PCDHA3: variants seen among roughly 807,000 people sequenced by gnomAD.
The protein encoded by PCDHA3 is protocadherin alpha 3.
In PCDHA3, 41 loss-of-function variants were observed where a neutral mutation model predicts 62.2. That is an observed-to-expected ratio of 0.66 (90% CI 0.51 to 0.86). PCDHA3 has a LOEUF of 0.86. Among genes scored for constraint, PCDHA3 ranks in the 40% least tolerant of loss-of-function variants. The pLI, the probability that PCDHA3 is intolerant of heterozygous loss-of-function variation, is 0.00. For synonymous variants in PCDHA3, 640 were observed against 555.4 expected, an observed-to-expected ratio of 1.15 and a Z score of -2.14; for missense variants, 1,304 against 1,241.2, an observed-to-expected ratio of 1.05 and a Z score of -0.76.
intron 3 of PCDHA3, among the ~76,000 whole-genome samples, chr5:140,999,635 A>C (rs2097866612): frequency 6.6e-6 from 1 of 152,192 alleles, no homozygotes; most frequent in Non-Finnish European, 1.5e-5. Flanking sequence ...AAGGTAGAGA[A>C]AACTGTGCAG....
chr5:140,835,557 C>T, intron 1 of PCDHA3: 2 of 1,613,936 alleles, frequency 1.2e-6, no homozygotes, highest in Admixed American at 1.7e-5. Context: ...CCTGACGCCC[C>T]GCGTTCCCTT....
intron 1 of PCDHA3, among the ~76,000 whole-genome samples, chr5:140,922,023 T>TA (rs530025575): frequency 3.9e-5 from 6 of 151,968 alleles, no homozygotes; most frequent in African/African-American, 1.4e-4. Flanking sequence ...AAAATAAATA[T>TA]AAAAAATGTA....
chr5:140,967,029 G>A, intron 1 of PCDHA3: 1 of 1,609,056 alleles, frequency 6.2e-7, no homozygotes, highest in Non-Finnish European at 8.5e-7. Flanking sequence ...CCCAGTCCGC[G>A]CTACCTGGAG....
intron 3 of PCDHA3, among the ~76,000 whole-genome samples, chr5:141,005,816 G>A (rs1295998009): frequency 1.3e-5 from 2 of 151,804 alleles, no homozygotes; most frequent in African/African-American, 4.8e-5. Context: ...AGCCAGGTAT[G>A]GTGGCCTGTA....
chr5:140,829,774 C>A (rs1293917446), intron 1 of PCDHA3: 3 of 1,613,670 alleles, frequency 1.9e-6, no homozygotes, highest in Non-Finnish European at 2.5e-6. Flanking sequence ...AGAACGACAA[C>A]GCGCCGGCGC....
chr5:140,956,497 A>G (rs2095288493), intron 1 of PCDHA3, among the ~76,000 whole-genome samples: 2 of 152,190 alleles, frequency 1.3e-5, no homozygotes, highest in Admixed American at 1.3e-4. Flanking sequence ...CCAGGGATGA[A>G]GCCTACTTGA....
At chr5:140,838,285 T>TTA (rs1554136986) in intron 1 of PCDHA3, among the ~76,000 whole-genome samples, 1 of 149,460 alleles carries the variant, frequency 6.7e-6, no homozygotes, top group East Asian at 2.0e-4. Flanking sequence ...TGCTAATTTT[T>TTA]TTTTTTTTTT....
chr5:140,877,095 C>G, intron 1 of PCDHA3: 1 of 1,613,330 alleles, frequency 6.2e-7, no homozygotes, highest in Admixed American at 1.7e-5. Flanking sequence ...GCGACGCCGG[C>G]GTGCCGCCTC....
At chr5:140,981,479 C>T (rs1275257398) in intron 2 of PCDHA3, among the ~76,000 whole-genome samples, 20 of 152,148 alleles carry the variant, frequency 1.3e-4, no homozygotes, top group African/African-American at 4.8e-4. Flanking sequence ...GAGGCTGAGG[C>T]AGGAGAATTG....
At chr5:140,991,420 A>G (rs1413227137) in intron 3 of PCDHA3, among the ~76,000 whole-genome samples, 2 of 152,234 alleles carry the variant, frequency 1.3e-5, no homozygotes, top group Admixed American at 6.5e-5. Flanking sequence ...GCTATAACAA[A>G]TTAACCATAA....
intron 1 of PCDHA3, chr5:140,834,468 G>T (rs1350848206): frequency 2.5e-6 from 4 of 1,614,146 alleles, no homozygotes; most frequent in Non-Finnish European, 2.5e-6. Flanking sequence ...GGCAGGGAGA[G>T]GCCAGCTCCA....
At chr5:140,834,787 C>A (rs2150226563) in intron 1 of PCDHA3, 5 of 1,613,542 alleles carry the variant, frequency 3.1e-6, no homozygotes, top group East Asian at 2.2e-5. Context: ...GTGTTCCCAG[C>A]GACACAAAGG....
chr5:140,928,036 G>T, intron 1 of PCDHA3: 1 of 1,614,158 alleles, frequency 6.2e-7, no homozygotes, highest in Non-Finnish European at 8.5e-7. Context: ...CATGTCTAGT[G>T]CAGGCCCTTT....
chr5:140,926,325 T>C (rs1441503834), intron 1 of PCDHA3: 1 of 151,866 alleles, frequency 6.6e-6, no homozygotes, highest in African/African-American at 2.4e-5. Flanking sequence ...TGCGCCGGGG[T>C]CAGAGCGCCG....
At chr5:140,866,405 A>AT (rs2049338047) in intron 1 of PCDHA3, 1 of 152,116 alleles carries the variant, frequency 6.6e-6, no homozygotes, top group Non-Finnish European at 1.5e-5. Context: ...TCCCATGAAA[A>AT]TCTTCAAATG....
Position 140,923,994 on chromosome 5 carries a change from C to T in PCDHA3, c.2395-54955C>T, listed in dbSNP as rs147193427. ...ACATACTATCCCTCTAGGTGCAGCT[C>T]AGAATTCCTAAACCTGGTATAATTG... On this transcript the variant is annotated intron_variant, in intron 1 of 3. Transcript: ENST00000522353. Among the ~76,000 whole-genome samples the T allele has an allele frequency of 8.1e-3, 1,228 of 152,292 alleles. 6 individuals are homozygous for T. The highest frequency in any genetic ancestry group is 0.019 in the African/African-American group (795 of 41,560).
rs183247098 is a variant in PCDHA3 at position 140,949,419 on chromosome 5, T to G, written c.2395-29530T>G. On this transcript the variant is annotated intron_variant, in intron 1 of 3. Coordinates refer to ENST00000522353, the MANE Select transcript of PCDHA3 (RefSeq NM_018906.3). ...TGTTAAAAATCACCTATCATCATTGTGTTTATCTCTTTGTGCCCATTTTTG... is the reference window on the plus strand; with the variant it reads ...TGTTAAAAATCACCTATCATCATTGGGTTTATCTCTTTGTGCCCATTTTTG... Among the ~76,000 whole-genome samples the G allele has an allele frequency of 2.5e-3, 382 of 151,992 alleles. 3 individuals are homozygous for G. The highest frequency in any genetic ancestry group is 0.018 in the South Asian group (86 of 4,828).
intron 1 of PCDHA3, chr5:140,869,991 A>G (rs1554163685): frequency 1.9e-6 from 3 of 1,613,542 alleles, no homozygotes; most frequent in Non-Finnish European, 2.5e-6. Flanking sequence ...CACTAGATCA[A>G]AATAATGGAG....
chr5:140,972,773 T>C (rs201511055), intron 1 of PCDHA3, among the ~76,000 whole-genome samples: 2 of 151,600 alleles, frequency 1.3e-5, no homozygotes, highest in African/African-American at 2.4e-5. Context: ...AAGTGATTCT[T>C]CTGCCTCAGC....
Sources: allele counts gnomAD v4.1 joint callset (sites outside exome capture counted in the v4.1 genomes callset), GRCh38; gene constraint gnomAD v4.1.1; transcripts MANE v1.5; gene names NCBI Gene and HGNC (gene_info 2026-07-23, HGNC 2026-07-21).